SLIT2: variants seen among roughly 807,000 people sequenced by gnomAD.
SLIT2 encodes slit homolog 2 protein.
SLIT2 carries 41 observed loss-of-function variants against 185.7 expected under a neutral mutation model. The ratio of observed to expected loss-of-function variants is 0.22; its 90% CI spans 0.17 to 0.29. The LOEUF is 0.29. Among genes scored for constraint, SLIT2 ranks in the 10% least tolerant of loss-of-function variants. SLIT2 has a pLI of 1.00. For missense variants in SLIT2, 1,571 were observed against 1,909.0 expected, an observed-to-expected ratio of 0.82 and a Z score of 3.30; for synonymous variants, 693 against 680.2, an observed-to-expected ratio of 1.02 and a Z score of -0.29.
intron 4 of SLIT2, among the ~76,000 whole-genome samples, chr4:20,388,778 GAA>G (rs67546102): frequency 0.087 from 10,885 of 125,598 alleles, 484 homozygotes; most frequent in South Asian, 0.18. Context: ...CGTCTCAGGG[GAA>G]AAAAAAAAAA....
chr4:20,562,640 C>T (rs949491528), intron 26 of SLIT2, among the ~76,000 whole-genome samples: 2 of 151,670 alleles, frequency 1.3e-5, no homozygotes, highest in African/African-American at 4.8e-5. Context: ...AATGTAGATG[C>T]TCAGTAAATA....
intron 5 of SLIT2, among the ~76,000 whole-genome samples, chr4:20,470,481 AGTCTGT>A (rs1219346117): frequency 2.5e-5 from 2 of 79,866 alleles, no homozygotes; most frequent in Admixed American, 2.9e-4. Flanking sequence ...AGTGCAGTGG[AGTCTGT>A]GTGTGTGTGT....
At chr4:20,581,097 A>C (rs530617738) in intron 29 of SLIT2, among the ~76,000 whole-genome samples, 1 of 152,314 alleles carries the variant, frequency 6.6e-6, no homozygotes, top group Admixed American at 6.5e-5. Context: ...GGAGGCTTAA[A>C]CAACAGAGTT....
At chr4:20,538,376 A>G (rs1019760761) in intron 18 of SLIT2, among the ~76,000 whole-genome samples, 1 of 150,830 alleles carries the variant, frequency 6.6e-6, no homozygotes, top group Non-Finnish European at 1.5e-5. Flanking sequence ...TCTGTAGTGC[A>G]TTTGTTTTCT....
At chr4:20,321,651 A>T (rs1265463642) in intron 4 of SLIT2, among the ~76,000 whole-genome samples, 1 of 152,210 alleles carries the variant, frequency 6.6e-6, no homozygotes, top group Non-Finnish European at 1.5e-5. Flanking sequence ...ATGCGGGAAA[A>T]TTCATAAAGC....
chr4:20,453,278 GTATT>G (rs770859160), intron 4 of SLIT2, among the ~76,000 whole-genome samples: 42 of 152,202 alleles, frequency 2.8e-4, no homozygotes, highest in Admixed American at 1.4e-3. Flanking sequence ...ATTGTTTAAA[GTATT>G]TATTGATAAT....
At chr4:20,467,870 T>C (rs747535966) in intron 5 of SLIT2, 47 bp downstream of exon 5, 6 of 959,702 alleles carry the variant, frequency 6.3e-6, no homozygotes, top group Non-Finnish European at 7.9e-6. Flanking sequence ...CATTATCTAT[T>C]TTCAAAGTCA....
At chr4:20,352,321 A>C (rs1721952794) in intron 4 of SLIT2, among the ~76,000 whole-genome samples, 2 of 152,038 alleles carry the variant, frequency 1.3e-5, no homozygotes, top group Admixed American at 1.3e-4. Flanking sequence ...TATAACAGAT[A>C]TAGTTTGTGC....
intron 24 of SLIT2, among the ~76,000 whole-genome samples, chr4:20,550,581 T>C (rs1247582213): frequency 6.6e-6 from 1 of 152,066 alleles, no homozygotes; most frequent in Non-Finnish European, 1.5e-5. Context: ...ATCTTCTTTA[T>C]TTTCTTTTAA....
At position 20,589,665 on chromosome 4, in the gene SLIT2, T is replaced by C; in HGVS notation, c.3110T>C (p.Leu1037Pro). The part of the protein sequence containing the change: ...EYTGELCEEK[L>P]DFCAQDLNPC... ...GCAGGTGAGTTGTGTGAGGAGAAGC[T>C]GGACTTCTGTGCCCAGGACCTGAAC... The change falls in exon 30 of 37, where the codon CTG (leucine) becomes CCG (proline). Residue 1037 changes from leucine to proline, a missense_variant. Physicochemically the swap from Leu to Pro is moderately conservative, Grantham distance 98. This residue lies in a region of SLIT2 where 1,202 missense variants were observed against 1,416.4 expected (regional missense o/e 0.85). Coordinates refer to ENST00000504154, the MANE Select transcript of SLIT2 (RefSeq NM_004787.4). 1.9e-6 allele frequency: 3 copies of C among 1,613,976 alleles called. No individual in the cohort carries two copies. The East Asian group carries it at 6.7e-5, about 36-fold the overall frequency.
intron 34 of SLIT2, among the ~76,000 whole-genome samples, chr4:20,613,578 T>C (rs191419666): frequency 6.6e-6 from 1 of 152,238 alleles, no homozygotes; most frequent in African/African-American, 2.4e-5. Flanking sequence ...TCCTGGGTGC[T>C]GAAATAGTCC....
intron 4 of SLIT2, among the ~76,000 whole-genome samples, chr4:20,286,379 T>G (rs974450924): frequency 6.6e-6 from 1 of 152,182 alleles, no homozygotes; most frequent in African/African-American, 2.4e-5. Flanking sequence ...CTGTCAGTTC[T>G]ACCTCCACAG....
chr4:20,343,697 A>G (rs2109240372), intron 4 of SLIT2, among the ~76,000 whole-genome samples: 1 of 151,484 alleles, frequency 6.6e-6, no homozygotes, highest in Non-Finnish European at 1.5e-5. Context: ...TGTAGAGACA[A>G]GATCTCACTA....
At position 20,539,395 on chromosome 4, in the gene SLIT2, T is replaced by G. The variant is rs182576287; in HGVS notation, c.1833-46T>G. ...CGATCCTCAGATAGGCAAAATTGAT[T>G]GCCTGATGCTTTGTCTCCATAACAA... On this transcript the variant is annotated intron_variant, in intron 18 of 36. Coordinates refer to ENST00000504154, the MANE Select transcript of SLIT2 (RefSeq NM_004787.4). 5,546 of 1,562,786 alleles carry G rather than the reference T, an allele frequency of 3.5e-3. 140 individuals are homozygous for G. In the South Asian group the frequency reaches 0.04, roughly 11 times the overall value.
intron 4 of SLIT2, among the ~76,000 whole-genome samples, chr4:20,309,725 T>C (rs1717907039): frequency 6.7e-6 from 1 of 150,210 alleles, no homozygotes; most frequent in African/African-American, 2.4e-5. Context: ...CTCCTTCTAC[T>C]AACAATCTTT....
chr4:20,394,079 T>G (rs1281519535), intron 4 of SLIT2, among the ~76,000 whole-genome samples: 1 of 151,942 alleles, frequency 6.6e-6, no homozygotes, highest in African/African-American at 2.4e-5. Context: ...AATCACACAG[T>G]AAAAGAATAT....
intron 4 of SLIT2, among the ~76,000 whole-genome samples, chr4:20,390,823 A>T (rs1398195823): frequency 6.6e-6 from 1 of 151,670 alleles, no homozygotes; most frequent in Non-Finnish European, 1.5e-5. Context: ...AATACCATAA[A>T]ACAGACCTTT....
chr4:20,535,975 G>A (rs1322936994), intron 18 of SLIT2, among the ~76,000 whole-genome samples: 1 of 152,188 alleles, frequency 6.6e-6, no homozygotes, highest in African/African-American at 2.4e-5. Context: ...AGGCTATATG[G>A]CACAGCCTAT....
intron 4 of SLIT2, among the ~76,000 whole-genome samples, chr4:20,292,943 G>A (rs539894380): frequency 3.3e-5 from 5 of 152,320 alleles, no homozygotes; most frequent in African/African-American, 1.2e-4. Flanking sequence ...CCACAGGACC[G>A]TAGAGCAAAA....
Sources: gnomAD v4.1 joint callset for allele counts (sites outside exome capture counted in the v4.1 genomes callset) on GRCh38, gnomAD v4.1.1 for gene constraint, gnomAD v4.1.1 regional missense constraint, MANE v1.5 for transcripts, NCBI Gene and HGNC (gene_info 2026-07-23, HGNC 2026-07-21) for gene names.